The following SATL1 variants were observed in gnomAD, a reference collection of about 807,000 sequenced individuals.
SATL1 encodes spermidine/spermine N1-acetyl transferase like 1.
Under a neutral mutation model 51.8 loss-of-function variants are expected in SATL1, and 47 were observed. The observed-to-expected ratio is 0.91, with a 90% CI of 0.72 to 1.16. SATL1 has a LOEUF of 1.16. Ranked by LOEUF, SATL1 falls within the 50% of genes most tolerant of loss-of-function variation. SATL1 has a pLI of 0.00. For missense variants in SATL1, 520 were observed against 526.4 expected, an observed-to-expected ratio of 0.99 and a Z score of 0.12; for synonymous variants, 176 against 182.4, an observed-to-expected ratio of 0.97 and a Z score of 0.28.
At position 85,152,342 on chromosome X, in the gene SATL1, T is replaced by A. The variant is rs182599801; in HGVS notation, c.-312-43062A>T. On this transcript the variant is annotated intron_variant, in intron 2 of 7. Transcript: ENST00000644105. ...ACAGGTGCTGGAGAGGATGTGGAGA[T>A]ATAGGAACACTTTTACACTGTTGGT... Among the ~76,000 whole-genome samples, 324 of 110,988 alleles carry A rather than the reference T, an allele frequency of 2.9e-3. 9 individuals are homozygous for A. In the East Asian group the frequency reaches 0.054, roughly 18 times the overall value.
chrX:85,125,406 A>C (rs1205731851), intron 2 of SATL1, among the ~76,000 whole-genome samples: 1 of 111,045 alleles, frequency 9.0e-6, no homozygotes, highest in Non-Finnish European at 1.9e-5. Flanking sequence ...AATTACACTG[A>C]GTAGTACTGG....
intron 2 of SATL1, among the ~76,000 whole-genome samples, chrX:85,127,391 T>C (rs1031868583): frequency 6.3e-5 from 7 of 111,770 alleles, no homozygotes; most frequent in Non-Finnish European, 1.3e-4. Flanking sequence ...TTATTATTCA[T>C]AGTATCAGAT....
At chrX:85,094,289 C>T (rs951296274) in intron 5 of SATL1, 60 bp from the exon 6 acceptor site, 5 of 619,812 alleles carry the variant, frequency 8.1e-6, no homozygotes, top group African/African-American at 2.2e-5. Flanking sequence ...GTTCTTTACC[C>T]CCAAATTGAA....
In SATL1 at chrX:85,224,427, G is replaced by C. The variant is rs1017156708; in HGVS notation, c.-434-101C>G. The C allele has an allele frequency of 8.1e-5, 9 of 111,303 alleles. 1 individual carries two copies. Among genetic ancestry groups the C allele is most frequent in the Non-Finnish European group, 1.3e-4 (7 of 53,067 alleles). 9.2% of individuals were successfully genotyped at this position (111,303 alleles called of 1,213,427 possible). A position where few individuals can be genotyped will look rare whatever the true frequency, so the allele number is the denominator to read the frequency against. ...AATTAGAGCATGGACATATCTTTTT[G>C]AGGACCACCATTCAGCCTACTATTA... On this transcript the variant is annotated intron_variant, in intron 1 of 7. Coordinates refer to ENST00000644105, the MANE Select transcript of SATL1 (RefSeq NM_001367857.2).
intron 2 of SATL1, 90 bp downstream of exon 2, chrX:85,224,115 C>T (rs1217411461): frequency 9.0e-6 from 1 of 111,713 alleles, no homozygotes; most frequent in Non-Finnish European, 1.9e-5. Context: ...TATTTATTCT[C>T]TCACGGTTCT....
intron 4 of SATL1, among the ~76,000 whole-genome samples, chrX:85,098,624 T>C (rs897714422): frequency 9.0e-6 from 1 of 111,628 alleles, no homozygotes; most frequent in Non-Finnish European, 1.9e-5. Context: ...CTAATGACAA[T>C]ACAATGATAC....
chrX:85,111,947 G>T (rs1925270255), intron 2 of SATL1, among the ~76,000 whole-genome samples: 1 of 111,809 alleles, frequency 8.9e-6, no homozygotes, highest in Non-Finnish European at 1.9e-5. Context: ...ATTTGTAAGG[G>T]TCTGTAGCAA....
At chrX:85,182,463 T>C (rs1371780180) in intron 2 of SATL1, among the ~76,000 whole-genome samples, 1 of 112,072 alleles carries the variant, frequency 8.9e-6, no homozygotes, top group Non-Finnish European at 1.9e-5. Context: ...TGTGTATACA[T>C]ACCACATTTT....
At chrX:85,120,960 G>A (rs1044541538) in intron 2 of SATL1, among the ~76,000 whole-genome samples, 4 of 110,915 alleles carry the variant, frequency 3.6e-5, no homozygotes, top group African/African-American at 9.8e-5. Context: ...ACAAGATGCC[G>A]TCAAATATGG....
chrX:85,099,835 A>G (rs911651588), intron 4 of SATL1, among the ~76,000 whole-genome samples: 1 of 112,563 alleles, frequency 8.9e-6, no homozygotes, highest in Non-Finnish European at 1.9e-5. Flanking sequence ...GAAGACAAAG[A>G]TTCCCACTTT....
chrX:85,236,165 T>A lies in SATL1; in HGVS notation c.-435+7423A>T, dbSNP rs1928477853. Among the ~76,000 whole-genome samples, 3 of 111,073 alleles carry A rather than the reference T, an allele frequency of 2.7e-5. No individual in the cohort carries two copies. In the South Asian group the frequency reaches 1.1e-3, roughly 41 times the overall value. ...GAAATTCAAAAGCTGAACAAACCAA[T>A]AACAAGTAACGAGACTCAAGCTGTA... On this transcript the variant is annotated intron_variant, in intron 1 of 7. Transcript: ENST00000644105.
At chrX:85,178,623 A>C (rs1010342496) in intron 2 of SATL1, among the ~76,000 whole-genome samples, 6 of 106,087 alleles carry the variant, frequency 5.7e-5, no homozygotes, top group African/African-American at 2.2e-4. Context: ...AAAAAAAAAA[A>C]ACAAAAACAA....
intron 2 of SATL1, among the ~76,000 whole-genome samples, chrX:85,199,228 T>G (rs1484622139): frequency 9.0e-6 from 1 of 111,371 alleles, no homozygotes; most frequent in African/African-American, 3.3e-5. Context: ...TCTGCCTCCA[T>G]GAGTTCAATT....
chrX:85,160,450 C>T (rs1164458210), intron 2 of SATL1, among the ~76,000 whole-genome samples: 1 of 110,196 alleles, frequency 9.1e-6, no homozygotes, highest in African/African-American at 3.3e-5. Flanking sequence ...TAAAACGATA[C>T]AGGAGCTGAC....
intron 2 of SATL1, among the ~76,000 whole-genome samples, chrX:85,160,151 G>C (rs1377921227): frequency 9.1e-6 from 1 of 109,603 alleles, no homozygotes; most frequent in African/African-American, 3.3e-5. Context: ...AACTCTCAAG[G>C]TCATCAAATA....
At chrX:85,207,403 C>T (rs772864675) in intron 2 of SATL1, 32 of 111,705 alleles carry the variant, frequency 2.9e-4, no homozygotes, top group African/African-American at 1.0e-3. Context: ...TTAGACGTAC[C>T]TTCATATCTT....
At chrX:85,218,279 A>T (rs971905293) in intron 2 of SATL1, among the ~76,000 whole-genome samples, 5 of 111,739 alleles carry the variant, frequency 4.5e-5, no homozygotes, top group African/African-American at 1.6e-4. Flanking sequence ...TAAAACTTAA[A>T]AAAATAAAAT....
intron 2 of SATL1, 65 bp from the exon 3 acceptor site, chrX:85,109,345 G>C (rs1015463477): frequency 1.8e-5 from 4 of 224,103 alleles, no homozygotes; most frequent in African/African-American, 1.1e-4. Context: ...CCACCAGCCC[G>C]CCCCTGCATG....
At chrX:85,123,509 G>A (rs1295741641) in intron 2 of SATL1, among the ~76,000 whole-genome samples, 2 of 111,574 alleles carry the variant, frequency 1.8e-5, no homozygotes, top group East Asian at 5.6e-4. Flanking sequence ...TAACGGGGGT[G>A]TTGTTTGTTT....
Sources: allele counts gnomAD v4.1 joint callset (sites outside exome capture counted in the v4.1 genomes callset), GRCh38; gene constraint gnomAD v4.1.1; transcripts MANE v1.5; gene names NCBI Gene and HGNC (gene_info 2026-07-23, HGNC 2026-07-21).